Variants in DNAH11 observed in about 807,000 individuals in gnomAD.
DNAH11 encodes the protein axonemal beta dynein heavy chain 11.
DNAH11 carries 442 observed loss-of-function variants against 526.0 expected under a neutral mutation model. That is an observed-to-expected ratio of 0.84 (90% CI 0.78 to 0.91). The LOEUF (loss-of-function observed/expected upper bound fraction) is 0.91. DNAH11 is among the 40% of genes least tolerant of loss of function. DNAH11 has a pLI of 0.00. For missense variants in DNAH11, 6,989 were observed against 5,448.7 expected (o/e 1.28, Z -8.90); for synonymous variants, 2,461 against 1,935.9 (o/e 1.27, Z -7.12).
At chr7:21,566,671 G>A (rs1225336066) in intron 6 of DNAH11, among the ~76,000 whole-genome samples, 3 of 151,164 alleles carry the variant, frequency 2.0e-5, no homozygotes, top group African/African-American at 4.9e-5. Flanking sequence ...CAGTAATAGA[G>A]TTCTCACCCG....
rs371497979 is a variant in DNAH11 at position 21,687,199 on chromosome 7, C to T, written c.5722C>T (p.Arg1908Cys). The T allele has an allele frequency of 8.7e-6, 14 of 1,609,888 alleles. No individual in the cohort carries two copies. Among genetic ancestry groups the T allele is most frequent in the Admixed American group, 1.7e-5 (1 of 59,252 alleles). ...GKTETTKDLG[R>C]ALGMMVYVFN... ...AACAGAGACCACCAAAGACCTAGGA[C>T]GTGCCCTTGGCATGATGGTCTATGT... is the stretch of plus-strand genomic sequence containing the variant. The change falls in exon 33 of 82, where the codon CGT (arginine) becomes TGT (cysteine). Residue 1908 changes from arginine to cysteine, a missense_variant. By Grantham distance (180) the Arg-to-Cys change is radical. Coordinates refer to ENST00000409508, the MANE Select transcript of DNAH11 (RefSeq NM_001277115.2).
At position 21,744,959 on chromosome 7, in the gene DNAH11, G is replaced by C; in HGVS notation, c.8406G>C (p.Lys2802Asn). 6.2e-7 allele frequency: 1 copy of C among 1,610,512 alleles called. No individual in the cohort carries two copies. The highest frequency in any genetic ancestry group is 8.5e-7 in the Non-Finnish European group (1 of 1,178,332). ...RGKDPHYMPV[K>N]DWEVLKTILT... ...AGGACCCACATTACATGCCAGTGAA[G>C]GACTGGGAAGTGCTGAAGACGATTC... The change falls in exon 51 of 82, where the codon AAG (lysine) becomes AAC (asparagine). Residue 2802 changes from lysine to asparagine, a missense_variant. Lys to Asn is a moderately conservative substitution (Grantham distance 94, BLOSUM62 0). Coordinates refer to ENST00000409508, the MANE Select transcript of DNAH11 (RefSeq NM_001277115.2).
chr7:21,653,104 G>T (rs1188028787), intron 28 of DNAH11, among the ~76,000 whole-genome samples: 1 of 152,122 alleles, frequency 6.6e-6, no homozygotes, highest in Non-Finnish European at 1.5e-5. Context: ...TGGAACTCCT[G>T]ACCTCAGGTG....
At chr7:21,610,082 G>A (rs1019528627) in intron 20 of DNAH11, among the ~76,000 whole-genome samples, 9 of 151,932 alleles carry the variant, frequency 5.9e-5, no homozygotes, top group African/African-American at 1.7e-4. Context: ...GTGAAACCCC[G>A]TCTCTACTAA....
rs1441412198 is a variant in DNAH11 at position 21,782,767 on chromosome 7, G to A, written c.9484-1660G>A. ...GTACTAAAAATATAAAAAATCAGCCGGGTGTAGTGGTGCGTGCCTGTAATC... is the reference window on the plus strand; with the variant it reads ...GTACTAAAAATATAAAAAATCAGCCAGGTGTAGTGGTGCGTGCCTGTAATC... On this transcript the variant is annotated intron_variant, in intron 57 of 81. Transcript: ENST00000409508. Among the ~76,000 whole-genome samples, 15 of 152,004 alleles carry A rather than the reference G, an allele frequency of 9.9e-5. 1 individual carries two copies. The highest frequency in any genetic ancestry group is 9.7e-5 in the African/African-American group (4 of 41,404).
chr7:21,725,111 C>G (rs1012510413), intron 44 of DNAH11, among the ~76,000 whole-genome samples: 2 of 152,202 alleles, frequency 1.3e-5, no homozygotes, highest in Non-Finnish European at 2.9e-5. Context: ...AAGCAAGCAC[C>G]TCCCAGTAAA....
chr7:21,897,080 ATAAAG>A (rs1784541817), intron 79 of DNAH11, among the ~76,000 whole-genome samples: 1 of 152,026 alleles, frequency 6.6e-6, no homozygotes, highest in African/African-American at 2.4e-5. Context: ...GTCTCAAAAA[ATAAAG>A]TATATTTCAT....
chr7:21,731,535 A>G (rs1475522688), intron 45 of DNAH11, among the ~76,000 whole-genome samples: 2 of 152,278 alleles, frequency 1.3e-5, no homozygotes, highest in Non-Finnish European at 2.9e-5. Context: ...TGAAAAAAGC[A>G]ACGTACAGAA....
chr7:21,683,542 G>T (rs192307801), intron 31 of DNAH11, among the ~76,000 whole-genome samples: 1 of 152,280 alleles, frequency 6.6e-6, no homozygotes, highest in African/African-American at 2.4e-5. Flanking sequence ...AGAGGAAAAA[G>T]CATTGCTTGA....
rs886038457 is a variant in DNAH11, at chr7:21,892,411, C to T, written c.12508-14C>T. On this transcript the variant is annotated splice_polypyrimidine_tract_variant and intron_variant, in intron 76 of 81. Coordinates refer to ENST00000409508, the MANE Select transcript of DNAH11 (RefSeq NM_001277115.2). Reference sequence around the variant, plus strand: ...CTACATTTGGAATAACTGACTTTTCCTTTGTGGTTCAAGACTGAAGATGAA... The same window carrying T: ...CTACATTTGGAATAACTGACTTTTCTTTTGTGGTTCAAGACTGAAGATGAA... 4.4e-6 allele frequency: 7 copies of T among 1,595,424 alleles called. No homozygotes were observed. The highest frequency in any genetic ancestry group is 1.3e-5 in the African/African-American group (1 of 74,356).
intron 66 of DNAH11, among the ~76,000 whole-genome samples, chr7:21,848,072 C>T (rs1399518609): frequency 6.7e-6 from 1 of 148,750 alleles, no homozygotes; most frequent in East Asian, 2.0e-4. Flanking sequence ...GAGGCTGAGG[C>T]AGGAGAATGG....
chr7:21,719,705 T>C (rs925325880), intron 43 of DNAH11, among the ~76,000 whole-genome samples: 5 of 152,304 alleles, frequency 3.3e-5, no homozygotes, highest in East Asian at 1.9e-4. Context: ...TAATAGGTGC[T>C]CAATAATTTA....
chr7:21,778,601 T>C (rs1406016716), intron 56 of DNAH11, among the ~76,000 whole-genome samples: 1 of 152,146 alleles, frequency 6.6e-6, no homozygotes, highest in Admixed American at 6.5e-5. Context: ...CAAGTATGTC[T>C]TCCCACAACC....
intron 18 of DNAH11, among the ~76,000 whole-genome samples, chr7:21,604,629 T>C (rs1241740652): frequency 6.6e-6 from 1 of 152,214 alleles, no homozygotes; most frequent in Non-Finnish European, 1.5e-5. Context: ...GAGTGGATCA[T>C]CTGACTTTGA....
chr7:21,588,714 A>C (rs549636611), intron 11 of DNAH11, 78 bp downstream of exon 11: 1 of 1,520,324 alleles, frequency 6.6e-7, no homozygotes, highest in East Asian at 2.3e-5. Context: ...TGAGCTGTTC[A>C]TATTAGCACT....
Position 21,545,024 on chromosome 7 carries a change from C to T in DNAH11, c.370C>T (p.His124Tyr). ...GTTTTAGATTCCAAGAGATGCAAAC[C>T]ATAAACTTGTTTTTATTTCCAAGAA... ...ASQEIPRDAN[H>Y]KLVFISKKIT... Residue 124 changes from histidine (H) to tyrosine (Y), a missense_variant, in exon 2 of 82, where the codon CAT (histidine) becomes TAT (tyrosine). His to Tyr is a moderately conservative substitution (Grantham distance 83). Transcript: ENST00000409508. 1 of 1,590,928 alleles carries T rather than the reference C, an allele frequency of 6.3e-7. No individual in the cohort carries two copies.
intron 73 of DNAH11, among the ~76,000 whole-genome samples, chr7:21,869,849 C>T (rs1462802233): frequency 3.9e-5 from 6 of 152,206 alleles, no homozygotes; most frequent in Non-Finnish European, 8.8e-5. Flanking sequence ...TTCTCCCACC[C>T]AGTGTCCTCT....
intron 34 of DNAH11, 22 bp from the exon 35 acceptor site, chr7:21,690,743 A>C: frequency 3.2e-6 from 5 of 1,562,272 alleles, no homozygotes; most frequent in Non-Finnish European, 4.4e-6. Flanking sequence ...ATTTAATTTC[A>C]TCAACATTCT....
In DNAH11 at chr7:21,842,689, G is replaced by T. The variant is rs1334458203; in HGVS notation, c.10837G>T (p.Glu3613Ter). 1 of 1,613,796 alleles carries T rather than the reference G, an allele frequency of 6.2e-7. No individual in the cohort carries two copies. Among genetic ancestry groups the T allele is most frequent in the South Asian group, 1.1e-5 (1 of 91,036 alleles). Residue 3613 changes from glutamate (E) to a stop codon, truncating the protein, a stop_gained, in exon 66 of 82, where the codon GAA becomes TAA. Coordinates refer to ENST00000409508, the MANE Select transcript of DNAH11 (RefSeq NM_001277115.2). LOFTEE classifies it high-confidence loss of function. ...TTTCACAGTCACAGAAGATGGTCTA[G>T]AAGCCCAGCTGCTGGCAGAGGTTGT... is the stretch of plus-strand genomic sequence containing the variant. ...LNFTVTEDGL[E>*]AQLLAEVVSI...
Sources: allele counts gnomAD v4.1 joint callset (sites outside exome capture counted in the v4.1 genomes callset), GRCh38; gene constraint gnomAD v4.1.1; transcripts MANE v1.5; gene names NCBI Gene and HGNC (gene_info 2026-07-23, HGNC 2026-07-21).